Variants in NUP210L observed in about 807,000 individuals in gnomAD.
NUP210L encodes nuclear pore membrane glycoprotein 210-like.
Under a neutral mutation model 208.5 loss-of-function variants are expected in NUP210L, and 74 were observed. The ratio of observed to expected loss-of-function variants is 0.35; its 90% confidence interval spans 0.29 to 0.43. The LOEUF (loss-of-function observed/expected upper bound fraction) is 0.43, where lower values mean the gene tolerates loss of function less well. NUP210L is among the 20% of genes least tolerant of loss of function. The probability of loss-of-function intolerance (pLI) is 1.00; values close to 1 mark genes in which losing one functional copy is unlikely to be tolerated. For synonymous variants in NUP210L, 780 were observed against 816.9 expected (o/e 0.95, Z 0.77); for missense variants, 1,843 against 2,289.4 (o/e 0.81, Z 3.98).
intron 17 of NUP210L, among the ~76,000 whole-genome samples, chr1:154,066,479 C>T (rs1360562365): frequency 1.2e-4 from 19 of 152,086 alleles, no homozygotes; most frequent in Admixed American, 6.6e-4. Context: ...GGTGCGGTGG[C>T]GGGCGCCTGT....
At chr1:154,109,414 G>A (rs1656930377) in intron 12 of NUP210L, among the ~76,000 whole-genome samples, 1 of 151,550 alleles carries the variant, frequency 6.6e-6, no homozygotes, top group Admixed American at 6.6e-5. Flanking sequence ...TAGAGCTTAA[G>A]AGAGCTATAG....
At chr1:154,034,690 G>C (rs957015695) in intron 27 of NUP210L, among the ~76,000 whole-genome samples, 4 of 151,622 alleles carry the variant, frequency 2.6e-5, no homozygotes, top group Non-Finnish European at 5.9e-5. Flanking sequence ...GGTCTGTTCA[G>C]GTTTTGGATT....
At chr1:154,104,244 A>G (rs1325283834) in intron 12 of NUP210L, 34 bp from the exon 13 acceptor site, 2 of 1,591,106 alleles carry the variant, frequency 1.3e-6, no homozygotes, top group Non-Finnish European at 1.7e-6. Context: ...CAAGAAAGTT[A>G]TGTTAAAAAA....
intron 35 of NUP210L, among the ~76,000 whole-genome samples, chr1:154,008,123 T>A (rs954317988): frequency 2.1e-5 from 3 of 145,524 alleles, no homozygotes; most frequent in Admixed American, 6.8e-5. Context: ...TTGTCCGCCA[T>A]GGCCTCCCAA....
At chr1:154,100,133 T>G in exon 14 of NUP210L, 10 of 1,614,062 alleles carry the variant, frequency 6.2e-6, no homozygotes, top group Non-Finnish European at 7.6e-6. Flanking sequence ...TTGGTCCAGG[T>G]CTTTGAATAC....
Position 154,025,066 on chromosome 1 carries a change from C to T in NUP210L, c.4122+476G>A, listed in dbSNP as rs545147487. On this transcript the variant is annotated intron_variant, in intron 30 of 39. Coordinates refer to ENST00000368559, the Ensembl canonical transcript of NUP210L. ...GCCTCAGCCTCCTGAGTAGCTGGGA[C>T]TACAGGCGCCCGCCACCTCGCCCAG... is the stretch of plus-strand genomic sequence containing the variant. Among the ~76,000 whole-genome samples, 11 of 151,084 alleles carry T rather than the reference C, an allele frequency of 7.3e-5. No individual in the cohort carries two copies. In the South Asian group the frequency reaches 1.9e-3, roughly 26 times the overall value.
chr1:154,045,508 T>C (rs115768245), intron 27 of NUP210L, among the ~76,000 whole-genome samples: 116 of 152,298 alleles, frequency 7.6e-4, no homozygotes, highest in African/African-American at 2.7e-3. Flanking sequence ...AAAAGAAAGA[T>C]CACTTTTGAG....
rs182134996 is a variant in NUP210L, at chr1:154,088,433, T to C, written c.2361+988A>G. ...TAGTTCAGGGAAAAAAGTTCTTTTC[T>C]TGCAACTTGCCTGTAAATTTGAATT... On this transcript the variant is annotated intron_variant, in intron 16 of 39. Coordinates refer to ENST00000368559, the Ensembl canonical transcript of NUP210L. 2.8e-3 allele frequency among the ~76,000 whole-genome samples: 425 copies of C among 152,294 alleles called. 1 individual carries two copies. Among genetic ancestry groups the C allele is most frequent in the Non-Finnish European group, 4.6e-3 (311 of 68,022 alleles).
intron 31 of NUP210L, 33 bp from the exon 32 acceptor site, chr1:154,022,376 A>G: frequency 6.4e-7 from 1 of 1,552,914 alleles, no homozygotes; most frequent in Non-Finnish European, 8.9e-7. Context: ...GAAATCTTTA[A>G]AAAGAGACAA....
At chr1:154,069,998 C>A (rs1654621570) in intron 17 of NUP210L, among the ~76,000 whole-genome samples, 1 of 152,068 alleles carries the variant, frequency 6.6e-6, no homozygotes, top group Non-Finnish European at 1.5e-5. Context: ...GGGAATTGAA[C>A]AATGAGAACA....
At chr1:154,078,088 TGAGCCCA>T (rs910912741) in intron 16 of NUP210L, among the ~76,000 whole-genome samples, 7 of 151,516 alleles carry the variant, frequency 4.6e-5, no homozygotes, top group African/African-American at 1.7e-4. Context: ...GCGGATCGCT[TGAGCCCA>T]GGAGTTCAAG....
At chr1:154,061,231 A>G (rs1375145176) in intron 18 of NUP210L, among the ~76,000 whole-genome samples, 185 bp from the exon 19 acceptor site, 1 of 152,080 alleles carries the variant, frequency 6.6e-6, no homozygotes, top group Non-Finnish European at 1.5e-5. Flanking sequence ...TACAAAAATT[A>G]GCCAGGCATG....
At chr1:154,118,576 G>T in intron 11 of NUP210L, 95 bp downstream of exon 11, 2 of 918,688 alleles carry the variant, frequency 2.2e-6, no homozygotes, top group Non-Finnish European at 3.1e-6. Context: ...TTTTAGGATT[G>T]GGAGGAAATA....
intron 16 of NUP210L, among the ~76,000 whole-genome samples, chr1:154,077,417 G>A (rs1295026478): frequency 1.3e-5 from 2 of 151,814 alleles, no homozygotes; most frequent in African/African-American, 4.8e-5. Context: ...AAGACTGCCA[G>A]CCAACAATTC....
At chr1:154,149,207 TC>T (rs1659266580) in intron 2 of NUP210L, among the ~76,000 whole-genome samples, 2 of 151,624 alleles carry the variant, frequency 1.3e-5, no homozygotes, top group Admixed American at 6.6e-5. Flanking sequence ...TGCCTCAGCC[TC>T]CCAAGTAGCT....
chr1:154,117,637 G>C, intron 12 of NUP210L, 88 bp downstream of exon 12: 1 of 1,013,544 alleles, frequency 9.9e-7, no homozygotes. Context: ...AAATAGCCAT[G>C]TTGGGCTCTT....
At chr1:154,029,578 T>G (rs1652099276) in intron 28 of NUP210L, among the ~76,000 whole-genome samples, 3 of 151,700 alleles carry the variant, frequency 2.0e-5, no homozygotes, top group African/African-American at 7.3e-5. Context: ...TGGCACATGC[T>G]ACTCGGGAGG....
At chr1:154,136,730 G>A (rs1658564864) in intron 6 of NUP210L, among the ~76,000 whole-genome samples, 1 of 150,854 alleles carries the variant, frequency 6.6e-6, no homozygotes, top group South Asian at 2.1e-4. Context: ...ACCAGCCTGG[G>A]CAACATGGTG....
chr1:154,121,152 A>C (rs1557991248), intron 10 of NUP210L, among the ~76,000 whole-genome samples: 1 of 152,130 alleles, frequency 6.6e-6, no homozygotes, highest in Non-Finnish European at 1.5e-5. Context: ...AATCATATTA[A>C]ATCCCTTACT....
Sources: gnomAD v4.1 joint callset for allele counts (sites outside exome capture counted in the v4.1 genomes callset) on GRCh38, gnomAD v4.1.1 for gene constraint, MANE v1.5 for transcripts, NCBI Gene and HGNC (gene_info 2026-07-23, HGNC 2026-07-21) for gene names.